The following RGS6 variants were observed in gnomAD, a reference collection of about 807,000 sequenced individuals.
The protein encoded by RGS6 is regulator of G protein signaling 6.
RGS6 carries 30 observed loss-of-function variants against 78.5 expected under a neutral mutation model. The ratio of observed to expected loss-of-function variants is 0.38; its 90% CI spans 0.29 to 0.52. RGS6 has a LOEUF of 0.52. Among genes scored for constraint, RGS6 ranks in the 20% least tolerant of loss-of-function variants. The probability of loss-of-function intolerance (pLI) is 0.85; values close to 1 mark genes in which losing one functional copy is unlikely to be tolerated. For missense variants in RGS6, 495 were observed against 609.7 expected (o/e 0.81, Z 1.98); for synonymous variants, 206 against 206.0 (o/e 1.00, Z 0.00).
chr14:72,581,188 G>A, the RGS6 span, among the ~76,000 whole-genome samples: 1 of 152,206 alleles, frequency 6.6e-6, no homozygotes, highest in Admixed American at 6.5e-5. Context: ...GCCACTTAGT[G>A]GATCTGGGCC....
intron 2 of RGS6, among the ~76,000 whole-genome samples, chr14:71,991,831 A>C (rs1049122726): frequency 6.6e-6 from 1 of 152,178 alleles, no homozygotes; most frequent in Non-Finnish European, 1.5e-5. Context: ...CATAGTAACT[A>C]TTTTAGGCTT....
At chr14:72,485,323 T>A (rs1041158468) in intron 12 of RGS6, among the ~76,000 whole-genome samples, 4 of 152,238 alleles carry the variant, frequency 2.6e-5, no homozygotes, top group African/African-American at 9.6e-5. Context: ...CTGGACATCC[T>A]ACAAAGCTCT....
intron 2 of RGS6, among the ~76,000 whole-genome samples, chr14:72,077,278 T>C (rs1035095147): frequency 6.6e-6 from 1 of 152,156 alleles, no homozygotes; most frequent in Non-Finnish European, 1.5e-5. Context: ...AACTTGTCCA[T>C]TGAGGGGTTT....
At chr14:72,163,285 C>T (rs2096878112) in intron 2 of RGS6, among the ~76,000 whole-genome samples, 1 of 152,220 alleles carries the variant, frequency 6.6e-6, no homozygotes, top group Non-Finnish European at 1.5e-5. Context: ...GAAATTAAAA[C>T]TCTAATTGTT....
intron 2 of RGS6, among the ~76,000 whole-genome samples, chr14:72,268,179 TA>T (rs1373242373): frequency 6.6e-6 from 1 of 152,234 alleles, no homozygotes; most frequent in Admixed American, 6.5e-5. Flanking sequence ...TCATTTGAAA[TA>T]CCCCACTGTG....
chr14:72,069,341 A>C (rs1413296046), intron 2 of RGS6, among the ~76,000 whole-genome samples: 2 of 151,664 alleles, frequency 1.3e-5, no homozygotes, highest in African/African-American at 4.9e-5. Flanking sequence ...TATATACCCT[A>C]TTTCTCTCTT....
the RGS6 span, among the ~76,000 whole-genome samples, chr14:71,875,141 G>A: frequency 1.3e-5 from 2 of 152,110 alleles, no homozygotes; most frequent in Non-Finnish European, 2.9e-5. Context: ...TTTGGTATTA[G>A]GATGATGCTG....
intron 2 of RGS6, among the ~76,000 whole-genome samples, chr14:71,984,877 A>G (rs187988251): frequency 2.6e-5 from 4 of 152,312 alleles, no homozygotes; most frequent in Admixed American, 1.3e-4. Flanking sequence ...TTTAAAAAGT[A>G]ATAATTCAAT....
At chr14:72,547,018 C>T (rs192580992) in intron 17 of RGS6, 7 of 671,082 alleles carry the variant, frequency 1.0e-5, no homozygotes, top group Admixed American at 5.3e-5. Flanking sequence ...GTGCCATCCT[C>T]GTGCAGCCAC....
chr14:72,474,558 G>T, intron 9 of RGS6, 67 bp from the exon 10 acceptor site: 1 of 1,420,466 alleles, frequency 7.0e-7, no homozygotes, highest in South Asian at 1.2e-5. Context: ...CTGATGGTGT[G>T]ACATGGGCTA....
At chr14:72,265,057 AG>A (rs1318282775) in intron 2 of RGS6, among the ~76,000 whole-genome samples, 4 of 152,186 alleles carry the variant, frequency 2.6e-5, no homozygotes, top group Non-Finnish European at 5.9e-5. Context: ...TCAATGTGGG[AG>A]AATGGAATTA....
chr14:72,089,362 A>G (rs1325296560), intron 2 of RGS6, among the ~76,000 whole-genome samples: 1 of 152,274 alleles, frequency 6.6e-6, no homozygotes, highest in Non-Finnish European at 1.5e-5. Flanking sequence ...ATGGCATTTA[A>G]TAAACGCTGT....
chr14:72,531,431 C>CAAAA (rs58751762), intron 15 of RGS6, among the ~76,000 whole-genome samples: 19 of 66,724 alleles, frequency 2.8e-4, no homozygotes, highest in African/African-American at 7.8e-4. Context: ...GACTTTATCT[C>CAAAA]AAAAAAAAAA....
At chr14:72,218,819 G>A (rs1332837511) in intron 2 of RGS6, among the ~76,000 whole-genome samples, 4 of 151,886 alleles carry the variant, frequency 2.6e-5, no homozygotes, top group Non-Finnish European at 5.9e-5. Flanking sequence ...ACGATGTTGT[G>A]CAGGATGATC....
At chr14:72,560,852 G>GA (rs2097665764) in intron 17 of RGS6, among the ~76,000 whole-genome samples, 3 of 150,672 alleles carry the variant, frequency 2.0e-5, no homozygotes, top group East Asian at 2.0e-4. Flanking sequence ...AAGATGGGGA[G>GA]AAAAAATGAA....
At chr14:72,387,535 C>T (rs543297965) in intron 3 of RGS6, among the ~76,000 whole-genome samples, 20 of 148,576 alleles carry the variant, frequency 1.3e-4, no homozygotes, top group Non-Finnish European at 1.9e-4. Flanking sequence ...GGTGACAGAG[C>T]GAGACTCCAT....
At position 72,562,602 on chromosome 14, in the gene RGS6, G is replaced by A. The variant is rs375414399; in HGVS notation, c.*135G>A. ...GGAGAAAGAGTGAGGGCAATGAAGG[G>A]CGATGGTGGGGAGACTCGGTGGGTG... On this transcript the variant is annotated 3_prime_UTR_variant, in exon 18 of 18. Coordinates refer to ENST00000553525, the MANE Select transcript of RGS6 (RefSeq NM_001204424.2). The A allele has an allele frequency of 1.3e-6, 2 of 1,537,568 alleles. No individual in the cohort carries two copies. The highest frequency in any genetic ancestry group is 8.7e-7 in the Non-Finnish European group (1 of 1,147,064).
chr14:71,993,419 A>T (rs1421626802), intron 2 of RGS6, among the ~76,000 whole-genome samples: 1 of 152,224 alleles, frequency 6.6e-6, no homozygotes, highest in Non-Finnish European at 1.5e-5. Flanking sequence ...AATAGTAATA[A>T]TAATGAAATG....
chr14:72,357,072 A>G (rs961177368), intron 3 of RGS6, among the ~76,000 whole-genome samples: 2 of 152,018 alleles, frequency 1.3e-5, no homozygotes, highest in Non-Finnish European at 2.9e-5. Flanking sequence ...GGAGTTCAAG[A>G]CCAGCCTGGC....
Sources: allele counts gnomAD v4.1 joint callset (sites outside exome capture counted in the v4.1 genomes callset), GRCh38; gene constraint gnomAD v4.1.1; transcripts MANE v1.5; gene names NCBI Gene and HGNC (gene_info 2026-07-23, HGNC 2026-07-21).